SLC4A5: variants seen among roughly 807,000 people sequenced by gnomAD.
The protein encoded by SLC4A5 is electrogenic sodium bicarbonate cotransporter 4.
SLC4A5 carries 96 observed loss-of-function variants against 120.4 expected under a neutral mutation model. That is an observed-to-expected ratio of 0.80 (90% CI 0.68 to 0.94). The LOEUF is 0.94. SLC4A5 is among the 40% of genes least tolerant of loss of function. The pLI is 0.00. For synonymous variants in SLC4A5, 550 were observed against 571.1 expected, an observed-to-expected ratio of 0.96 and a Z score of 0.53; for missense variants, 1,259 against 1,459.5, an observed-to-expected ratio of 0.86 and a Z score of 2.24.
At chr2:74,254,804 C>T (rs1670908903) in intron 13 of SLC4A5, 98 bp from the exon 14 acceptor site, 2 of 901,544 alleles carry the variant, frequency 2.2e-6, no homozygotes, top group Non-Finnish European at 3.5e-6. Context: ...TTCTCTGGCC[C>T]TGAACAGTAT....
At chr2:74,343,142 T>C (rs1410786751) in intron 1 of SLC4A5, among the ~76,000 whole-genome samples, 3 of 152,218 alleles carry the variant, frequency 2.0e-5, no homozygotes, top group South Asian at 4.1e-4. Flanking sequence ...CTTTGCTATG[T>C]TGGAATACTT....
At chr2:74,217,420 T>G (rs1191442410) in exon 31 of SLC4A5, 1 of 152,208 alleles carries the variant, frequency 6.6e-6, no homozygotes, top group Non-Finnish European at 1.5e-5. Flanking sequence ...CAAATAGTTT[T>G]CAATCATTCC....
intron 5 of SLC4A5, among the ~76,000 whole-genome samples, chr2:74,320,966 C>G (rs1673082362): frequency 6.6e-6 from 1 of 152,170 alleles, no homozygotes; most frequent in Non-Finnish European, 1.5e-5. Context: ...CATAATAAAT[C>G]AAGTGAGTGT....
intron 7 of SLC4A5, among the ~76,000 whole-genome samples, chr2:74,299,447 G>GCTC (rs1317414076): frequency 6.6e-6 from 1 of 152,178 alleles, no homozygotes; most frequent in Non-Finnish European, 1.5e-5. Flanking sequence ...ACATGCCTTT[G>GCTC]CTCCTCCTTC....
intron 12 of SLC4A5, among the ~76,000 whole-genome samples, chr2:74,256,729 A>T (rs1670976306): frequency 6.6e-6 from 1 of 152,204 alleles, no homozygotes; most frequent in African/African-American, 2.4e-5. Context: ...AGGGATGGTT[A>T]CTTTCAAGCT....
chr2:74,270,566 A>G (rs1301484278), intron 8 of SLC4A5, among the ~76,000 whole-genome samples: 1 of 152,190 alleles, frequency 6.6e-6, no homozygotes, highest in Non-Finnish European at 1.5e-5. Context: ...CCAGCTACTC[A>G]GGAGGCTGAG....
rs930377051 is a variant in SLC4A5 at position 74,285,202 on chromosome 2, T to C, written c.401+571A>G. Among the ~76,000 whole-genome samples the C allele has an allele frequency of 3.3e-5, 5 of 152,064 alleles. No individual in the cohort carries two copies. In the East Asian group the frequency reaches 7.7e-4, roughly 23 times the overall value. On this transcript the variant is annotated intron_variant, in intron 8 of 30. Transcript: ENST00000394019. Reference sequence around the variant, plus strand: ...TGAGCCTGCGTGCAGTAAGCTATGATTACCCTACTGCACTGAAGCCTGGGC... The same window carrying C: ...TGAGCCTGCGTGCAGTAAGCTATGACTACCCTACTGCACTGAAGCCTGGGC...
chr2:74,304,612 G>A (rs772119536), exon 7 of SLC4A5: 1 of 1,614,194 alleles, frequency 6.2e-7, no homozygotes, highest in South Asian at 1.1e-5. Context: ...CCTGAAAGAT[G>A]TCCCTTCTGG....
chr2:74,302,823 G>A (rs1286051590), intron 7 of SLC4A5, among the ~76,000 whole-genome samples: 1 of 152,178 alleles, frequency 6.6e-6, no homozygotes, highest in Non-Finnish European at 1.5e-5. Flanking sequence ...TCTGGCTCAG[G>A]AAGGACCCAG....
At chr2:74,312,032 G>A (rs1421864832) in intron 6 of SLC4A5, among the ~76,000 whole-genome samples, 2 of 152,048 alleles carry the variant, frequency 1.3e-5, no homozygotes, top group African/African-American at 4.8e-5. Context: ...CTGAAGAATT[G>A]ACCCTTTTAT....
intron 7 of SLC4A5, among the ~76,000 whole-genome samples, chr2:74,297,499 C>T (rs899809764): frequency 3.3e-5 from 5 of 152,224 alleles, no homozygotes; most frequent in African/African-American, 9.7e-5. Context: ...CCAGGGTCTA[C>T]ACACCCCAGT....
chr2:74,279,570 C>A (rs1250551258), intron 8 of SLC4A5, among the ~76,000 whole-genome samples: 1 of 152,064 alleles, frequency 6.6e-6, no homozygotes, highest in Non-Finnish European at 1.5e-5. Flanking sequence ...TTTCTGTGGG[C>A]TTGATTTCCA....
chr2:74,308,234 T>A (rs1318597395), intron 6 of SLC4A5, among the ~76,000 whole-genome samples: 1 of 152,222 alleles, frequency 6.6e-6, no homozygotes, highest in East Asian at 1.9e-4. Flanking sequence ...CTCAGTTGGG[T>A]ACATACCTAG....
At chr2:74,240,733 A>G (rs1304939264) in intron 20 of SLC4A5, among the ~76,000 whole-genome samples, 4 of 151,472 alleles carry the variant, frequency 2.6e-5, no homozygotes, top group African/African-American at 9.7e-5. Flanking sequence ...TCACACCACT[A>G]CATTCCAGCC....
chr2:74,314,303 T>G (rs1672897761), intron 6 of SLC4A5, among the ~76,000 whole-genome samples: 1 of 152,146 alleles, frequency 6.6e-6, no homozygotes, highest in Admixed American at 6.5e-5. Context: ...TATCTTGCAG[T>G]TTGGCTCAGG....
In SLC4A5 at chr2:74,229,923, C is replaced by G. The variant is rs201873117; in HGVS notation, c.2847+1313G>C. Among the ~76,000 whole-genome samples the G allele has an allele frequency of 5.3e-5, 8 of 150,910 alleles. No individual in the cohort carries two copies. The East Asian group carries it at 1.6e-3, about 29-fold the overall frequency. On this transcript the variant is annotated intron_variant, in intron 25 of 30. Transcript: ENST00000394019. ...TTGAGAAGAGGTCTCACTCTGTTGC[C>G]CAGGCTGGAGTGCAGTGGCATGATC... is the stretch of plus-strand genomic sequence containing the variant.
chr2:74,272,471 C>T (rs140743016), intron 8 of SLC4A5, among the ~76,000 whole-genome samples: 9 of 152,268 alleles, frequency 5.9e-5, no homozygotes, highest in African/African-American at 2.2e-4. Flanking sequence ...GAACTGTGTA[C>T]CATGGTTGGC....
intron 21 of SLC4A5, among the ~76,000 whole-genome samples, chr2:74,238,109 A>G (rs1456764232): frequency 6.6e-6 from 1 of 152,128 alleles, no homozygotes; most frequent in Non-Finnish European, 1.5e-5. Flanking sequence ...CTCAAAAATA[A>G]TAATAATAAT....
chr2:74,249,054 T>G (rs951804750), intron 17 of SLC4A5, among the ~76,000 whole-genome samples: 1 of 152,224 alleles, frequency 6.6e-6, no homozygotes, highest in Non-Finnish European at 1.5e-5. Context: ...GTGGAGGGTC[T>G]GTCCTGTGTA....
Sources: gnomAD v4.1 joint callset for allele counts (sites outside exome capture counted in the v4.1 genomes callset) on GRCh38, gnomAD v4.1.1 for gene constraint, MANE v1.5 for transcripts, NCBI Gene and HGNC (gene_info 2026-07-23, HGNC 2026-07-21) for gene names.